Variants in ZBTB20 observed in about 807,000 individuals in gnomAD.
ZBTB20 encodes zinc finger and BTB domain-containing protein 20.
In ZBTB20, 9 loss-of-function variants were observed where a neutral mutation model predicts 56.9. The ratio of observed to expected loss-of-function variants is 0.16; its 90% CI spans 0.10 to 0.28. The LOEUF (loss-of-function observed/expected upper bound fraction) is 0.28. ZBTB20 is among the 10% of genes least tolerant of loss of function. The pLI, the probability that ZBTB20 is intolerant of heterozygous loss-of-function variation, is 1.00. For synonymous variants in ZBTB20, 417 were observed against 420.7 expected, an observed-to-expected ratio of 0.99 and a Z score of 0.11; for missense variants, 655 against 1,003.0, an observed-to-expected ratio of 0.65 and a Z score of 4.69.
At chr3:114,875,456 G>C in intron 4 of ZBTB20, among the ~76,000 whole-genome samples, 1 of 151,990 alleles carries the variant, frequency 6.6e-6, no homozygotes, top group Non-Finnish European at 1.5e-5. Flanking sequence ...AAAATAATCA[G>C]TTTCTTACCC....
intron 7 of ZBTB20, among the ~76,000 whole-genome samples, chr3:114,392,200 C>G (rs1017997505): frequency 9.9e-5 from 15 of 152,124 alleles, no homozygotes; most frequent in African/African-American, 3.4e-4. Flanking sequence ...ATGAATACGA[C>G]CTACTATTTG....
chr3:114,792,876 CTTTTTTTT>C (rs71146337), intron 5 of ZBTB20, among the ~76,000 whole-genome samples: 3 of 119,664 alleles, frequency 2.5e-5, no homozygotes, highest in Middle Eastern at 4.1e-3. Flanking sequence ...TTTTCTTTTT[CTTTTTTTT>C]TTTTTTTTTG....
intron 3 of ZBTB20, among the ~76,000 whole-genome samples, chr3:114,954,624 C>T (rs372576650): frequency 2.3e-4 from 35 of 152,094 alleles, no homozygotes; most frequent in African/African-American, 8.2e-4. Context: ...AAGAAGGATT[C>T]GACTAAGCAG....
At chr3:115,007,684 G>C (rs1387811862) in intron 2 of ZBTB20, among the ~76,000 whole-genome samples, 1 of 151,544 alleles carries the variant, frequency 6.6e-6, no homozygotes, top group Non-Finnish European at 1.5e-5. Flanking sequence ...ATTATTTCTA[G>C]TCAAATCTTT....
intron 6 of ZBTB20, among the ~76,000 whole-genome samples, chr3:114,515,205 T>C (rs2045849548): frequency 6.6e-6 from 1 of 152,192 alleles, no homozygotes; most frequent in South Asian, 2.1e-4. Context: ...GTACTCTACT[T>C]TCTCACCCTG....
Position 114,724,210 on chromosome 3 carries a change from A to G in ZBTB20, c.-342-30635T>C, listed in dbSNP as rs975890369. On this transcript the variant is annotated intron_variant, in intron 5 of 11. Transcript: ENST00000675478. ...TTGGGTTTCTTAAGGGAAGTAGAGG[A>G]AAAGGAAGACTGTAAAAACAGACAG... Among the ~76,000 whole-genome samples the G allele has an allele frequency of 1.8e-4, 28 of 152,126 alleles. 1 individual carries two copies. Among genetic ancestry groups the G allele is most frequent in the Admixed American group, 1.4e-3 (22 of 15,274 alleles).
At chr3:114,915,912 T>G (rs1023983620) in intron 3 of ZBTB20, among the ~76,000 whole-genome samples, 1 of 152,090 alleles carries the variant, frequency 6.6e-6, no homozygotes, top group Non-Finnish European at 1.5e-5. Flanking sequence ...TCCATGGTGA[T>G]CAGAGAAGAT....
At chr3:114,371,234 A>T (rs1363033632) in intron 10 of ZBTB20, among the ~76,000 whole-genome samples, 2 of 152,184 alleles carry the variant, frequency 1.3e-5, no homozygotes, top group Non-Finnish European at 2.9e-5. Context: ...ACCTACCTAG[A>T]TATTACTGTT....
At chr3:114,787,368 T>TACACACAC (rs1300106922) in intron 5 of ZBTB20, among the ~76,000 whole-genome samples, 25 of 106,290 alleles carry the variant, frequency 2.4e-4, no homozygotes, top group African/African-American at 1.1e-3. Context: ...TATATATATA[T>TACACACAC]ACACACACAC....
intron 10 of ZBTB20, chr3:114,375,815 T>C (rs2083554809): frequency 6.6e-6 from 1 of 152,226 alleles, no homozygotes; most frequent in African/African-American, 2.4e-5. Flanking sequence ...GAATTAATTA[T>C]CTGGAAGAAC....
At chr3:115,060,743 A>C (rs916249332) in intron 2 of ZBTB20, among the ~76,000 whole-genome samples, 2 of 152,116 alleles carry the variant, frequency 1.3e-5, no homozygotes, top group Non-Finnish European at 2.9e-5. Flanking sequence ...ATTTTATCAA[A>C]TCCCTTGTTT....
chr3:114,567,458 T>C (rs1185614928), intron 6 of ZBTB20, among the ~76,000 whole-genome samples: 2 of 152,192 alleles, frequency 1.3e-5, no homozygotes, highest in Admixed American at 1.3e-4. Flanking sequence ...ATCTCCTTCA[T>C]ATATTGCAAT....
chr3:114,410,481 T>G (rs2087827770), intron 7 of ZBTB20, among the ~76,000 whole-genome samples: 1 of 152,112 alleles, frequency 6.6e-6, no homozygotes, highest in South Asian at 2.1e-4. Context: ...TGTAGAAGAA[T>G]AGCTTCTGAG....
At position 115,074,563 on chromosome 3, in the gene ZBTB20, G is replaced by A. The variant is rs544132707; in HGVS notation, c.-702-3149C>T. Reference sequence around the variant, plus strand: ...GTTTTCTGCTTCTGAAAATGATGAAGTAACAGAAATAGCATACACCTCCTG... The same window carrying A: ...GTTTTCTGCTTCTGAAAATGATGAAATAACAGAAATAGCATACACCTCCTG... On this transcript the variant is annotated intron_variant, in intron 1 of 11. Transcript: ENST00000675478. 3.3e-5 allele frequency among the ~76,000 whole-genome samples: 5 copies of A among 152,170 alleles called. No homozygotes were observed. In the South Asian group the frequency reaches 1.0e-3, roughly 32 times the overall value.
At chr3:114,766,436 A>G (rs989447206) in intron 5 of ZBTB20, among the ~76,000 whole-genome samples, 1 of 151,878 alleles carries the variant, frequency 6.6e-6, no homozygotes, top group African/African-American at 2.4e-5. Context: ...TTTTGCATGA[A>G]TAAGAGACTG....
intron 6 of ZBTB20, among the ~76,000 whole-genome samples, chr3:114,671,922 C>T (rs921873038): frequency 6.6e-6 from 1 of 152,092 alleles, no homozygotes; most frequent in Non-Finnish European, 1.5e-5. Context: ...AGTAACACCA[C>T]GTGTCTGTTT....
At chr3:114,857,065 C>A (rs1385070627) in intron 4 of ZBTB20, among the ~76,000 whole-genome samples, 2 of 152,082 alleles carry the variant, frequency 1.3e-5, no homozygotes, top group Non-Finnish European at 2.9e-5. Flanking sequence ...TTTCACATTC[C>A]ACTTCCTGAT....
intron 5 of ZBTB20, among the ~76,000 whole-genome samples, chr3:114,698,832 C>T (rs1365542597): frequency 6.6e-6 from 1 of 152,080 alleles, no homozygotes; most frequent in Admixed American, 6.6e-5. Flanking sequence ...GCTTTAATGA[C>T]CCATGGTGGT....
At chr3:115,139,198 G>A (rs2084740700) in intron 1 of ZBTB20, among the ~76,000 whole-genome samples, 1 of 152,054 alleles carries the variant, frequency 6.6e-6, no homozygotes, top group Non-Finnish European at 1.5e-5. Flanking sequence ...GTGGGTGGAT[G>A]TGAGGAAATG....
Sources: allele counts gnomAD v4.1 joint callset (sites outside exome capture counted in the v4.1 genomes callset), GRCh38; gene constraint gnomAD v4.1.1; transcripts MANE v1.5; gene names NCBI Gene and HGNC (gene_info 2026-07-23, HGNC 2026-07-21).